The following CENPW variants were observed in gnomAD, a reference collection of about 807,000 sequenced individuals.
CENPW encodes the protein centromere protein W, also known as cancer-up-regulated gene 2 protein.
In CENPW, 3 loss-of-function variants were observed where a neutral mutation model predicts 11.1. The ratio of observed to expected loss-of-function variants is 0.27; its 90% CI spans 0.12 to 0.70. The LOEUF (loss-of-function observed/expected upper bound fraction) is 0.70. Among genes scored for constraint, CENPW ranks in the 30% least tolerant of loss-of-function variants. The pLI is 0.77. For missense variants in CENPW, 100 were observed against 105.6 expected, an observed-to-expected ratio of 0.95 and a Z score of 0.23; for synonymous variants, 38 against 42.0, an observed-to-expected ratio of 0.91 and a Z score of 0.37.
chr6:126,341,512 A>G (rs534181553), intron 1 of CENPW, among the ~76,000 whole-genome samples: 1 of 152,190 alleles, frequency 6.6e-6, no homozygotes, highest in African/African-American at 2.4e-5. Context: ...CTCTGAAGCC[A>G]AAACACAACA....
At chr6:126,461,353 G>T in the CENPW span, among the ~76,000 whole-genome samples, 1 of 151,784 alleles carries the variant, frequency 6.6e-6, no homozygotes, top group Admixed American at 6.6e-5. Context: ...TCACTCTCAG[G>T]GATGTCCTTA....
the CENPW span, among the ~76,000 whole-genome samples, chr6:126,420,138 C>G: frequency 6.6e-6 from 1 of 152,048 alleles, no homozygotes; most frequent in Non-Finnish European, 1.5e-5. Flanking sequence ...CTGAGATCCA[C>G]AGGATAAAAA....
the CENPW span, among the ~76,000 whole-genome samples, chr6:126,365,190 G>C: frequency 6.6e-6 from 1 of 152,108 alleles, no homozygotes; most frequent in Admixed American, 6.6e-5. Flanking sequence ...TTGTAAACTT[G>C]GGAGTCAGGG....
intron 1 of CENPW, among the ~76,000 whole-genome samples, 199 bp from the exon 2 acceptor site, chr6:126,346,006 A>G (rs1450888563): frequency 1.3e-5 from 2 of 152,256 alleles, no homozygotes; most frequent in Non-Finnish European, 2.9e-5. Flanking sequence ...ATACATTGCA[A>G]TGACGAAGTC....
At chr6:126,363,320 T>TA in the CENPW span, among the ~76,000 whole-genome samples, 8 of 152,226 alleles carry the variant, frequency 5.3e-5, no homozygotes, top group Admixed American at 4.6e-4. Context: ...CATAGTTTTT[T>TA]AAAAAATGGA....
At chr6:126,415,236 A>C in the CENPW span, among the ~76,000 whole-genome samples, 1 of 151,986 alleles carries the variant, frequency 6.6e-6, no homozygotes, top group African/African-American at 2.4e-5. Flanking sequence ...TTATCTCCTT[A>C]GATCTTGATT....
chr6:126,365,623 G>A, the CENPW span, among the ~76,000 whole-genome samples: 1 of 152,060 alleles, frequency 6.6e-6, no homozygotes, highest in African/African-American at 2.4e-5. Flanking sequence ...ATAAGATTTG[G>A]GTGGGGACAC....
At chr6:126,430,513 G>A in the CENPW span, among the ~76,000 whole-genome samples, 1 of 152,208 alleles carries the variant, frequency 6.6e-6, no homozygotes. Flanking sequence ...AGCAGGCAGA[G>A]TGTTGTTTTG....
At chr6:126,400,960 A>C in the CENPW span, among the ~76,000 whole-genome samples, 1 of 152,076 alleles carries the variant, frequency 6.6e-6, no homozygotes, top group Non-Finnish European at 1.5e-5. Context: ...CTTTTTCTCT[A>C]AAATCTTTAG....
At chr6:126,383,527 C>T in the CENPW span, among the ~76,000 whole-genome samples, 4 of 151,998 alleles carry the variant, frequency 2.6e-5, no homozygotes, top group African/African-American at 7.3e-5. Context: ...CTTTAAGAGA[C>T]CCATCTCACA....
the CENPW span, among the ~76,000 whole-genome samples, chr6:126,482,184 G>T: frequency 6.6e-6 from 1 of 151,836 alleles, no homozygotes; most frequent in Admixed American, 6.6e-5. Flanking sequence ...TCATTTTCTT[G>T]GGCTGTTTGA....
the CENPW span, among the ~76,000 whole-genome samples, chr6:126,372,037 T>G: frequency 1.3e-5 from 2 of 151,638 alleles, no homozygotes; most frequent in Admixed American, 6.6e-5. Context: ...AGGAACCAGC[T>G]TTTTGTTTCA....
the CENPW span, among the ~76,000 whole-genome samples, chr6:126,467,605 C>A: frequency 6.6e-6 from 1 of 151,858 alleles, no homozygotes; most frequent in Non-Finnish European, 1.5e-5. Context: ...ATTAAATATT[C>A]ATGAGTCTAT....
chr6:126,477,955 A>C, the CENPW span, among the ~76,000 whole-genome samples: 1 of 152,008 alleles, frequency 6.6e-6, no homozygotes, highest in African/African-American at 2.4e-5. Context: ...AACAGTGATC[A>C]TTAATTGCTG....
chr6:126,468,656 ACT>A, the CENPW span, among the ~76,000 whole-genome samples: 2 of 151,564 alleles, frequency 1.3e-5, no homozygotes, highest in Non-Finnish European at 2.9e-5. Flanking sequence ...GTGCATGGAA[ACT>A]CTCTATACTA....
chr6:126,379,906 TTC>T, the CENPW span, among the ~76,000 whole-genome samples: 3 of 152,250 alleles, frequency 2.0e-5, no homozygotes, highest in Non-Finnish European at 2.9e-5. Context: ...ACTTTTATTT[TTC>T]TCTGTTTCTT....
the CENPW span, among the ~76,000 whole-genome samples, chr6:126,385,238 CA>C: frequency 5.9e-5 from 9 of 152,132 alleles, no homozygotes; most frequent in Non-Finnish European, 1.5e-5. Context: ...CCATTCAACC[CA>C]GCGATCCCAT....
the CENPW span, among the ~76,000 whole-genome samples, chr6:126,360,336 C>T: frequency 6.6e-6 from 1 of 152,078 alleles, no homozygotes; most frequent in Non-Finnish European, 1.5e-5. Flanking sequence ...CCTGACCTTT[C>T]TCTCTAGGTG....
At chr6:126,447,425 T>C in the CENPW span, among the ~76,000 whole-genome samples, 5 of 151,050 alleles carry the variant, frequency 3.3e-5, no homozygotes, top group Non-Finnish European at 5.9e-5. Flanking sequence ...ATTATGAAAA[T>C]GACAGGTAGC....
Sources: gnomAD v4.1 joint callset for allele counts (sites outside exome capture counted in the v4.1 genomes callset) on GRCh38, gnomAD v4.1.1 for gene constraint, MANE v1.5 for transcripts, NCBI Gene and HGNC (gene_info 2026-07-23, HGNC 2026-07-21) for gene names.